Variants in MAP3K5 observed in about 807,000 individuals in gnomAD.
MAP3K5 encodes ASK-1.
In MAP3K5, 56 loss-of-function variants were observed where a neutral mutation model predicts 158.7. The ratio of observed to expected loss-of-function variants is 0.35; its 90% CI spans 0.28 to 0.44. MAP3K5 has a LOEUF of 0.44. Among genes scored for constraint, MAP3K5 ranks in the 20% least tolerant of loss-of-function variants. The pLI, the probability that MAP3K5 is intolerant of heterozygous loss-of-function variation, is 1.00. For synonymous variants in MAP3K5, 579 were observed against 601.7 expected, an observed-to-expected ratio of 0.96 and a Z score of 0.55; for missense variants, 1,294 against 1,674.8, an observed-to-expected ratio of 0.77 and a Z score of 3.97.
chr6:136,567,351 T>C (rs554683963), intron 26 of MAP3K5, among the ~76,000 whole-genome samples: 1 of 152,316 alleles, frequency 6.6e-6, no homozygotes, highest in African/African-American at 2.4e-5. Flanking sequence ...GCCTGTTTCT[T>C]AGACAGTCTA....
At chr6:136,792,539 ACCCGCCGCGCCGCGC>A (rs1206293698), upstream of MAP3K5, 3 of 157,736 alleles carry the variant, frequency 1.9e-5, no homozygotes, top group Non-Finnish European at 2.9e-5. This position sits in a 1 kb window ranked among gnomAD's most constrained non-coding sequence, Gnocchi z 5.7. Context: ...CGCCCTCGCC[ACCCGCCGCGCCGCGC>A]CGCGCCGCGC....
At chr6:136,719,688 C>T (rs538513253) in intron 2 of MAP3K5, among the ~76,000 whole-genome samples, 9 of 152,266 alleles carry the variant, frequency 5.9e-5, no homozygotes, top group Admixed American at 3.9e-4. Context: ...AGCTCAATGT[C>T]CCAAGGTTGG....
intron 25 of MAP3K5, among the ~76,000 whole-genome samples, chr6:136,571,155 A>G (rs917210224): frequency 6.6e-6 from 1 of 151,750 alleles, no homozygotes; most frequent in African/African-American, 2.4e-5. Flanking sequence ...GCCCATAAAA[A>G]CCCCAGACTC....
intron 21 of MAP3K5, 28 bp downstream of exon 21, chr6:136,600,994 T>G (rs201169698): frequency 6.2e-7 from 1 of 1,613,174 alleles, no homozygotes; most frequent in Admixed American, 1.7e-5. Flanking sequence ...AGGTCTCAGC[T>G]CAATGGGCAA....
chr6:136,605,137 C>T, intron 19 of MAP3K5, 72 bp downstream of exon 19: 1 of 1,330,276 alleles, frequency 7.5e-7, no homozygotes, highest in Non-Finnish European at 1.0e-6. Context: ...AAAAATATGA[C>T]ACACACACAC....
chr6:136,689,073 G>A (rs1044332456), intron 7 of MAP3K5, among the ~76,000 whole-genome samples: 1 of 152,110 alleles, frequency 6.6e-6, no homozygotes, highest in Non-Finnish European at 1.5e-5. Context: ...GCTGAGGCAG[G>A]AGGATCACTT....
At chr6:136,763,005 T>C (rs898840278) in intron 1 of MAP3K5, among the ~76,000 whole-genome samples, 10 of 152,220 alleles carry the variant, frequency 6.6e-5, no homozygotes, top group African/African-American at 2.2e-4. Context: ...TATTTACTTA[T>C]TCATTTATTT....
chr6:136,671,790 ATTTT>A (rs566616523), intron 7 of MAP3K5, among the ~76,000 whole-genome samples: 1 of 137,008 alleles, frequency 7.3e-6, no homozygotes, highest in African/African-American at 2.7e-5. Context: ...ATTTTTTTGT[ATTTT>A]TTTTTTTTTT....
At chr6:136,685,043 C>T (rs111337768) in intron 7 of MAP3K5, among the ~76,000 whole-genome samples, 1,759 of 152,120 alleles carry the variant, frequency 0.012, 33 homozygotes, top group African/African-American at 0.041. Context: ...CAGCCAGGCG[C>T]GGTGGCTCAC....
At chr6:136,732,284 G>C (rs1782260746) in intron 1 of MAP3K5, among the ~76,000 whole-genome samples, 1 of 152,080 alleles carries the variant, frequency 6.6e-6, no homozygotes, top group South Asian at 2.1e-4. Context: ...AACTAGCCAG[G>C]CACAGTGGCG....
rs188311877 is a variant in MAP3K5, at chr6:136,642,061, A to T, written c.1838+459T>A. On this transcript the variant is annotated intron_variant, in intron 12 of 29. Coordinates refer to ENST00000359015, the MANE Select transcript of MAP3K5 (RefSeq NM_005923.4). ...AAAATAAAATAAAATAAAATAAAAT[A>T]AAATAAAATAAAATAAAATAAAATA... Among the ~76,000 whole-genome samples, 606 of 142,680 alleles carry T rather than the reference A, an allele frequency of 4.2e-3. 2 individuals are homozygous for T. Among genetic ancestry groups the T allele is most frequent in the Non-Finnish European group, 7.2e-3 (484 of 66,876 alleles). The allele number at this position is 142,680 out of a possible 152,430, so 93.6% of individuals were successfully genotyped here.
chr6:136,783,795 G>A (rs1007901959), intron 1 of MAP3K5, among the ~76,000 whole-genome samples: 14 of 152,286 alleles, frequency 9.2e-5, no homozygotes, highest in Admixed American at 7.8e-4. Context: ...CTACTTTCCT[G>A]GCTTGGAGTG....
chr6:136,715,131 T>A (rs143560683), intron 2 of MAP3K5, among the ~76,000 whole-genome samples: 3 of 152,208 alleles, frequency 2.0e-5, no homozygotes, highest in Non-Finnish European at 4.4e-5. Flanking sequence ...CACTAACTGA[T>A]GTGCCTACCA....
intron 2 of MAP3K5, among the ~76,000 whole-genome samples, chr6:136,716,657 T>C (rs1781542675): frequency 6.6e-6 from 1 of 152,228 alleles, no homozygotes; most frequent in African/African-American, 2.4e-5. Context: ...ACTCACCACT[T>C]ACTGAGAGAC....
chr6:136,777,317 A>G (rs1371787354), intron 1 of MAP3K5, among the ~76,000 whole-genome samples: 1 of 152,226 alleles, frequency 6.6e-6, no homozygotes, highest in African/African-American at 2.4e-5. Flanking sequence ...TGTATACAGT[A>G]AACACTGGGT....
At position 136,656,299 on chromosome 6, in the gene MAP3K5, G is replaced by A. The variant is rs771400932; in HGVS notation, c.1680+8C>T. ...AAATGTACTTAGATTTAAAGGAAGA[G>A]TACTCACTGGAAACCTAACCACAGT... On this transcript the variant is annotated splice_region_variant and intron_variant, in intron 10 of 29. Coordinates refer to ENST00000359015, the MANE Select transcript of MAP3K5 (RefSeq NM_005923.4). 14 of 1,611,376 alleles carry A rather than the reference G, an allele frequency of 8.7e-6. No individual in the cohort carries two copies. The highest frequency in any genetic ancestry group is 1.2e-5 in the Non-Finnish European group (14 of 1,177,578).
Position 136,567,781 on chromosome 6 carries a change from T to C in MAP3K5, c.3611A>G (p.Asn1204Ser), listed in dbSNP as rs1300529688. 1.2e-6 allele frequency: 2 copies of C among 1,614,150 alleles called. No individual in the cohort carries two copies. Among genetic ancestry groups the C allele is most frequent in the Admixed American group, 1.7e-5 (1 of 60,000 alleles). ...VEDDHEEQPS[N>S]QTVRRPQAVI... ...AGCCTGAGGTCTTCGGACAGTTTGA[T>C]TTGAAGGCTGTTCCTCATGGTCATC... Residue 1204 changes from asparagine (N) to serine (S), a missense_variant, in exon 26 of 30, where the codon AAT becomes AGT. Around this residue, in one of 5 missense-constraint regions of MAP3K5, gnomAD observed 199 missense variants for 220.3 expected, o/e 0.90. Transcript: ENST00000359015.
chr6:136,738,564 G>A lies in MAP3K5; in HGVS notation c.449-17975C>T, dbSNP rs367862291. On this transcript the variant is annotated intron_variant, in intron 1 of 29. Transcript: ENST00000359015. ...CAAGAGTCCACAGATCATCACCACA[G>A]CAACAGACAGTATTTGGAGGCAATG... Among the ~76,000 whole-genome samples, 33 of 152,314 alleles carry A rather than the reference G, an allele frequency of 2.2e-4. 1 individual carries two copies. The highest frequency in any genetic ancestry group is 9.2e-4 in the Admixed American group (14 of 15,298).
chr6:136,742,053 CAAGAT>C (rs1164110797), intron 1 of MAP3K5, among the ~76,000 whole-genome samples: 1 of 152,148 alleles, frequency 6.6e-6, no homozygotes, highest in Admixed American at 6.5e-5. Context: ...TCAATGTTGT[CAAGAT>C]GTCAGTTCTT....
Sources: gnomAD v4.1 joint callset for allele counts (sites outside exome capture counted in the v4.1 genomes callset) on GRCh38, gnomAD v4.1.1 for gene constraint, gnomAD v4.1.1 regional missense constraint, Gnocchi (gnomAD v3.1) non-coding constraint, MANE v1.5 for transcripts, NCBI Gene and HGNC (gene_info 2026-07-23, HGNC 2026-07-21) for gene names.